SORBS2: variants seen among roughly 807,000 people sequenced by gnomAD.
The protein encoded by SORBS2 is sorbin and SH3 domain-containing protein 2.
SORBS2 carries 46 observed loss-of-function variants against 97.7 expected under a neutral mutation model. The observed-to-expected ratio is 0.47, with a 90% CI of 0.37 to 0.60. The LOEUF (loss-of-function observed/expected upper bound fraction) is 0.60, where lower values mean the gene tolerates loss of function less well. Ranked by LOEUF, SORBS2 falls within the 20% of genes least tolerant of loss-of-function variation. SORBS2 has a pLI of 0.00. For synonymous variants in SORBS2, 476 were observed against 473.4 expected, an observed-to-expected ratio of 1.01 and a Z score of -0.07; for missense variants, 1,316 against 1,282.3, an observed-to-expected ratio of 1.03 and a Z score of -0.40.
At chr4:185,862,065 G>A (rs2099224116) in intron 1 of SORBS2, among the ~76,000 whole-genome samples, 1 of 152,196 alleles carries the variant, frequency 6.6e-6, no homozygotes, top group South Asian at 2.1e-4. Context: ...AACTACCGGA[G>A]TAGAGAGTAT....
intron 4 of SORBS2, among the ~76,000 whole-genome samples, chr4:185,664,696 G>T (rs1246562227): frequency 6.6e-6 from 1 of 152,150 alleles, no homozygotes; most frequent in African/African-American, 2.4e-5. Context: ...ACCAAAAAAA[G>T]CATCTTTTAC....
chr4:185,743,364 G>A lies in SORBS2; in HGVS notation c.-198+31863C>T, dbSNP rs151031391. On this transcript the variant is annotated intron_variant, in intron 2 of 20. Transcript: ENST00000284776. ...TTCCTGATAGGGCTATTAATTTTGC[G>A]CAGATTTCCCAATTTGCTCCCCATT... 1.3e-3 allele frequency among the ~76,000 whole-genome samples: 192 copies of A among 152,140 alleles called. 1 individual carries two copies. Among genetic ancestry groups the A allele is most frequent in the Non-Finnish European group, 1.9e-3 (130 of 67,996 alleles).
At chr4:185,670,053 T>C (rs920072816) in intron 4 of SORBS2, among the ~76,000 whole-genome samples, 2 of 151,998 alleles carry the variant, frequency 1.3e-5, no homozygotes, top group African/African-American at 4.8e-5. Context: ...ACCCCGTCTC[T>C]ACTAAAAATA....
intron 6 of SORBS2, among the ~76,000 whole-genome samples, chr4:185,625,052 A>T (rs1003992363): frequency 6.6e-6 from 1 of 152,244 alleles, no homozygotes; most frequent in Admixed American, 6.5e-5. Flanking sequence ...TATAAGGCAA[A>T]GTATTCTCCA....
intron 1 of SORBS2, among the ~76,000 whole-genome samples, chr4:185,924,311 G>A (rs192380505): frequency 1.3e-5 from 2 of 152,246 alleles, no homozygotes; most frequent in East Asian, 3.9e-4. Flanking sequence ...AGAAGTTTGG[G>A]GAAGCAAAAG....
chr4:185,636,147 C>A (rs945187873), intron 4 of SORBS2, among the ~76,000 whole-genome samples: 1 of 152,156 alleles, frequency 6.6e-6, no homozygotes, highest in Non-Finnish European at 1.5e-5. Flanking sequence ...GTGTGAGTCA[C>A]CACGCCTGGC....
chr4:185,718,201 A>G (rs1342950296), intron 2 of SORBS2, among the ~76,000 whole-genome samples: 1 of 152,126 alleles, frequency 6.6e-6, no homozygotes, highest in Non-Finnish European at 1.5e-5. Flanking sequence ...ATTGCACTTC[A>G]GCCTGGGTGT....
At chr4:185,638,306 G>A in intron 4 of SORBS2, 144 bp from the exon 15 acceptor site, 1 of 645,464 alleles carries the variant, frequency 1.5e-6, no homozygotes, top group Non-Finnish European at 2.8e-6. Context: ...AGGAGAGAAC[G>A]GAGGAAGTAA....
chr4:185,657,640 G>A (rs777770505), upstream of SORBS2: 2 of 1,540,488 alleles, frequency 1.3e-6, no homozygotes, highest in Non-Finnish European at 1.8e-6. Context: ...CGTTGCACAG[G>A]GAATCATAAA....
At chr4:185,912,738 T>C (rs1025010193) in intron 1 of SORBS2, among the ~76,000 whole-genome samples, 3 of 152,202 alleles carry the variant, frequency 2.0e-5, no homozygotes, top group Non-Finnish European at 4.4e-5. Context: ...CATTTCACCA[T>C]GCTAATTATA....
At chr4:185,889,926 C>T (rs1474118319) in intron 1 of SORBS2, among the ~76,000 whole-genome samples, 1 of 152,074 alleles carries the variant, frequency 6.6e-6, no homozygotes, top group African/African-American at 2.4e-5. Context: ...TCACTCTGTC[C>T]CCCAGGCTGG....
At chr4:185,756,556 A>T (rs1347250995) in intron 2 of SORBS2, among the ~76,000 whole-genome samples, 1 of 152,168 alleles carries the variant, frequency 6.6e-6, no homozygotes. Flanking sequence ...CATTACCTTA[A>T]CTATATGGTC....
At chr4:185,653,880 A>G (rs2097353568) in intron 1 of SORBS2, among the ~76,000 whole-genome samples, 1 of 152,162 alleles carries the variant, frequency 6.6e-6, no homozygotes, top group Admixed American at 6.5e-5. Flanking sequence ...AACACACCAG[A>G]CGTTCCAAGA....
chr4:185,878,645 GA>G (rs1281372636), intron 1 of SORBS2, among the ~76,000 whole-genome samples: 8 of 152,152 alleles, frequency 5.3e-5, no homozygotes, highest in Non-Finnish European at 7.3e-5. Flanking sequence ...TGGACCCCGG[GA>G]TTCCTTCCTG....
chr4:185,836,394 G>A (rs1267604664), intron 1 of SORBS2, among the ~76,000 whole-genome samples: 1 of 152,116 alleles, frequency 6.6e-6, no homozygotes, highest in Non-Finnish European at 1.5e-5. Flanking sequence ...TTATAGGAGA[G>A]GTCAGGTGGG....
intron 1 of SORBS2, among the ~76,000 whole-genome samples, chr4:185,932,640 C>T (rs376273436): frequency 6.6e-6 from 1 of 152,136 alleles, no homozygotes; most frequent in East Asian, 1.9e-4. Flanking sequence ...AATGCAATGT[C>T]ACTGCATTGC....
chr4:185,915,485 C>A (rs1226654385), intron 1 of SORBS2, among the ~76,000 whole-genome samples: 1 of 152,100 alleles, frequency 6.6e-6, no homozygotes, highest in Non-Finnish European at 1.5e-5. Flanking sequence ...CGAGGGTAGC[C>A]TGGGGAGGAC....
intron 2 of SORBS2, among the ~76,000 whole-genome samples, chr4:185,711,590 C>T (rs2098420994): frequency 6.6e-6 from 1 of 152,120 alleles, no homozygotes. Flanking sequence ...TGTGTATTCA[C>T]TTCCCTTCAT....
exon 5 of SORBS2, chr4:185,662,143 G>A: frequency 1.2e-6 from 2 of 1,614,198 alleles, no homozygotes; most frequent in Non-Finnish European, 1.7e-6. Context: ...CTGGAGTTGA[G>A]TGAGGCTGGG....
Sources: allele counts gnomAD v4.1 joint callset (sites outside exome capture counted in the v4.1 genomes callset), GRCh38; gene constraint gnomAD v4.1.1; transcripts MANE v1.5; gene names NCBI Gene and HGNC (gene_info 2026-07-23, HGNC 2026-07-21).